The following MAGI3 variants were observed in gnomAD, a reference collection of about 807,000 sequenced individuals.
MAGI3 encodes the protein membrane associated guanylate kinase, WW and PDZ domain containing 3.
In MAGI3, 43 loss-of-function variants were observed where a neutral mutation model predicts 121.8. The ratio of observed to expected loss-of-function variants is 0.35; its 90% CI spans 0.28 to 0.46. The LOEUF (loss-of-function observed/expected upper bound fraction) is 0.46. Among genes scored for constraint, MAGI3 ranks in the 20% least tolerant of loss-of-function variants. The pLI is 1.00. For missense variants in MAGI3, 1,547 were observed against 1,797.3 expected (o/e 0.86, Z 2.52); for synonymous variants, 553 against 639.3 (o/e 0.86, Z 2.04).
chr1:113,492,515 A>G (rs1656718635), intron 1 of MAGI3, among the ~76,000 whole-genome samples: 3 of 151,980 alleles, frequency 2.0e-5, no homozygotes, highest in African/African-American at 4.8e-5. Context: ...AAAGAATACC[A>G]CTCGTTTTCA....
chr1:113,393,188 A>G (rs1650919985), intron 1 of MAGI3, among the ~76,000 whole-genome samples: 1 of 152,188 alleles, frequency 6.6e-6, no homozygotes, highest in Non-Finnish European at 1.5e-5. Flanking sequence ...AGCATTAGTA[A>G]TATTAACTGT....
At chr1:113,425,466 A>C (rs542752117) in intron 1 of MAGI3, among the ~76,000 whole-genome samples, 1 of 151,400 alleles carries the variant, frequency 6.6e-6, no homozygotes, top group African/African-American at 2.4e-5. Context: ...TGTATTTTTC[A>C]GTAGAGACGG....
intron 7 of MAGI3, among the ~76,000 whole-genome samples, chr1:113,617,221 G>C (rs1391628259): frequency 6.6e-6 from 1 of 152,118 alleles, no homozygotes; most frequent in African/African-American, 2.4e-5. Context: ...ATATTTTGTT[G>C]AGATAAATTT....
chr1:113,586,456 G>T (rs1370269584), intron 4 of MAGI3, among the ~76,000 whole-genome samples: 1 of 152,098 alleles, frequency 6.6e-6, no homozygotes, highest in Non-Finnish European at 1.5e-5. Context: ...TATATTTATT[G>T]AGTTAATACA....
intron 5 of MAGI3, 65 bp downstream of exon 5, chr1:113,590,723 T>A: frequency 6.9e-7 from 1 of 1,457,642 alleles, no homozygotes; most frequent in Non-Finnish European, 9.2e-7. Context: ...AAGATTTTTT[T>A]AAACCTCATT....
chr1:113,539,387 G>A (rs1211105649), intron 1 of MAGI3, among the ~76,000 whole-genome samples: 4 of 146,842 alleles, frequency 2.7e-5, no homozygotes, highest in East Asian at 2.0e-4. Flanking sequence ...GAGAGACTCC[G>A]TCTCAGAAAA....
chr1:113,660,576 C>CA (rs377581232), intron 16 of MAGI3, among the ~76,000 whole-genome samples: 6 of 149,848 alleles, frequency 4.0e-5, no homozygotes, highest in African/African-American at 1.5e-4. Flanking sequence ...TCTTTGTAAA[C>CA]AAAAAACATA....
chr1:113,669,317 A>G (rs1333876881), intron 16 of MAGI3, among the ~76,000 whole-genome samples: 1 of 152,214 alleles, frequency 6.6e-6, no homozygotes, highest in Admixed American at 6.5e-5. Flanking sequence ...GATTCTTGCA[A>G]TCAAGGAGTT....
At chr1:113,674,299 G>A in intron 19 of MAGI3, among the ~76,000 whole-genome samples, 1 of 151,646 alleles carries the variant, frequency 6.6e-6, no homozygotes, top group East Asian at 1.9e-4. Context: ...GGCTGAGGCA[G>A]GAGAATCACT....
At chr1:113,647,263 G>A (rs962337916) in intron 12 of MAGI3, among the ~76,000 whole-genome samples, 1 of 152,226 alleles carries the variant, frequency 6.6e-6, no homozygotes, top group African/African-American at 2.4e-5. Context: ...GAGGAGAGCA[G>A]GAACAGATTG....
At chr1:113,585,886 G>A (rs1648336966) in intron 4 of MAGI3, among the ~76,000 whole-genome samples, 1 of 152,178 alleles carries the variant, frequency 6.6e-6, no homozygotes, top group South Asian at 2.1e-4. Context: ...ATGTTGCAAT[G>A]TGGGAGTCTT....
chr1:113,556,119 T>C (rs1268188999), intron 2 of MAGI3, among the ~76,000 whole-genome samples: 1 of 151,990 alleles, frequency 6.6e-6, no homozygotes, highest in Non-Finnish European at 1.5e-5. Context: ...TATTAGAAAA[T>C]AATGAAGATT....
intron 16 of MAGI3, among the ~76,000 whole-genome samples, chr1:113,666,626 C>T (rs1264906497): frequency 6.6e-6 from 1 of 152,222 alleles, no homozygotes; most frequent in African/African-American, 2.4e-5. Context: ...GAACTAGAAT[C>T]AAATTATTCC....
At chr1:113,601,023 A>G (rs1490775445) in intron 6 of MAGI3, among the ~76,000 whole-genome samples, 1 of 152,204 alleles carries the variant, frequency 6.6e-6, no homozygotes, top group Non-Finnish European at 1.5e-5. Context: ...CCATATGTAG[A>G]AAGCTGAAAC....
chr1:113,482,068 CTT>C (rs944151254), intron 1 of MAGI3, among the ~76,000 whole-genome samples: 11 of 151,362 alleles, frequency 7.3e-5, no homozygotes, highest in African/African-American at 2.4e-4. Flanking sequence ...ATGTAATAAA[CTT>C]AATATAAAAT....
chr1:113,412,716 G>C (rs1652066505), intron 1 of MAGI3, among the ~76,000 whole-genome samples: 1 of 146,406 alleles, frequency 6.8e-6, no homozygotes, highest in South Asian at 2.1e-4. Flanking sequence ...TTTTTGGTGG[G>C]GTTTTTGTTT....
intron 1 of MAGI3, among the ~76,000 whole-genome samples, chr1:113,543,347 G>A (rs1428324963): frequency 6.6e-6 from 1 of 152,164 alleles, no homozygotes; most frequent in African/African-American, 2.4e-5. Flanking sequence ...CTACTTTAAA[G>A]ACTCATAGAG....
intron 8 of MAGI3, among the ~76,000 whole-genome samples, chr1:113,620,273 A>G (rs957467421): frequency 7.9e-5 from 12 of 152,298 alleles, no homozygotes; most frequent in Middle Eastern, 6.8e-3. Context: ...TTGAGTCTCA[A>G]ATGGGATGGT....
chr1:113,513,816 G>T (rs1283061165), intron 1 of MAGI3, among the ~76,000 whole-genome samples: 8 of 152,118 alleles, frequency 5.3e-5, no homozygotes, highest in Non-Finnish European at 1.0e-4. Flanking sequence ...CACAGCAAAA[G>T]AAACTACCAT....
Sources: gnomAD v4.1 joint callset for allele counts (sites outside exome capture counted in the v4.1 genomes callset) on GRCh38, gnomAD v4.1.1 for gene constraint, MANE v1.5 for transcripts, NCBI Gene and HGNC (gene_info 2026-07-23, HGNC 2026-07-21) for gene names.